Variants in ASIC2 observed in about 807,000 individuals in gnomAD.
ASIC2 encodes acid-sensing ion channel 2.
Under a neutral mutation model 57.3 loss-of-function variants are expected in ASIC2, and 25 were observed. The observed-to-expected ratio is 0.44, with a 90% CI of 0.32 to 0.61. The LOEUF is 0.61. Among genes scored for constraint, ASIC2 ranks in the 20% least tolerant of loss-of-function variants. The pLI is 0.06. For synonymous variants in ASIC2, 319 were observed against 307.5 expected (o/e 1.04, Z -0.39); for missense variants, 641 against 738.1 (o/e 0.87, Z 1.52).
At chr17:33,632,960 C>T (rs1906222316) in intron 1 of ASIC2, among the ~76,000 whole-genome samples, 1 of 152,182 alleles carries the variant, frequency 6.6e-6, no homozygotes, top group Admixed American at 6.5e-5. Flanking sequence ...GCAGAAAGCC[C>T]TGGATTACAG....
At chr17:33,081,260 T>C (rs1402082639) in intron 3 of ASIC2, among the ~76,000 whole-genome samples, 1 of 152,230 alleles carries the variant, frequency 6.6e-6, no homozygotes, top group Non-Finnish European at 1.5e-5. Context: ...GGTGAAAACT[T>C]GACTCTTGGC....
chr17:33,099,909 A>G (rs1392624855), intron 2 of ASIC2: 2 of 152,234 alleles, frequency 1.3e-5, no homozygotes, highest in African/African-American at 4.8e-5. Flanking sequence ...CTGGATTCAT[A>G]GCAATTTTTT....
chr17:33,518,655 C>T (rs1400930447), intron 1 of ASIC2, among the ~76,000 whole-genome samples: 3 of 152,168 alleles, frequency 2.0e-5, no homozygotes, highest in Non-Finnish European at 4.4e-5. Context: ...CAAATTACAC[C>T]TTACAACAAA....
chr17:33,763,390 C>G (rs991576213), intron 1 of ASIC2, among the ~76,000 whole-genome samples: 4 of 152,242 alleles, frequency 2.6e-5, no homozygotes, highest in African/African-American at 9.6e-5. Context: ...GCTCCCATCT[C>G]TAGCCCTGAC....
chr17:33,807,976 T>C (rs1912315891), intron 1 of ASIC2, among the ~76,000 whole-genome samples: 1 of 152,266 alleles, frequency 6.6e-6, no homozygotes, highest in African/African-American at 2.4e-5. Context: ...TTTCTCCCAG[T>C]ATGTGGCTTC....
At chr17:33,954,476 A>G (rs1904673810) in intron 1 of ASIC2, among the ~76,000 whole-genome samples, 1 of 152,216 alleles carries the variant, frequency 6.6e-6, no homozygotes, top group Non-Finnish European at 1.5e-5. Flanking sequence ...GGCTTATTAC[A>G]TTGAAGCAGC....
chr17:33,255,684 C>T (rs1057490471), intron 1 of ASIC2, among the ~76,000 whole-genome samples: 10 of 151,976 alleles, frequency 6.6e-5, no homozygotes. Flanking sequence ...TAAGCATGTG[C>T]CACTATGGTA....
At chr17:33,937,486 T>C (rs1916093003) in intron 1 of ASIC2, among the ~76,000 whole-genome samples, 1 of 152,066 alleles carries the variant, frequency 6.6e-6, no homozygotes, top group South Asian at 2.1e-4. Flanking sequence ...CTGGAGCATA[T>C]TGGAGAAAAG....
intron 1 of ASIC2, among the ~76,000 whole-genome samples, chr17:34,097,013 A>G (rs1910572435): frequency 6.6e-6 from 1 of 152,116 alleles, no homozygotes; most frequent in Admixed American, 6.6e-5. Flanking sequence ...TTTACTTAGA[A>G]GCTCATACAA....
At chr17:33,899,042 T>C (rs902360738) in intron 1 of ASIC2, among the ~76,000 whole-genome samples, 1 of 151,472 alleles carries the variant, frequency 6.6e-6, no homozygotes, top group South Asian at 2.1e-4. Flanking sequence ...AACAAAAATC[T>C]GAGTTAAAGC....
At chr17:33,846,286 C>T (rs1172442457) in intron 1 of ASIC2, among the ~76,000 whole-genome samples, 1 of 152,162 alleles carries the variant, frequency 6.6e-6, no homozygotes, top group Non-Finnish European at 1.5e-5. Flanking sequence ...CAGTAAACAA[C>T]AGCCAAGGGT....
chr17:33,449,145 C>G (rs1028874623), intron 1 of ASIC2, among the ~76,000 whole-genome samples: 12 of 152,082 alleles, frequency 7.9e-5, no homozygotes, highest in African/African-American at 2.4e-4. Context: ...TGCCACAGAC[C>G]CTTTGAGGTT....
intron 1 of ASIC2, among the ~76,000 whole-genome samples, chr17:33,786,825 C>T (rs1197846229): frequency 6.6e-6 from 1 of 152,000 alleles, no homozygotes; most frequent in East Asian, 1.9e-4. Context: ...AGCTGAAAAT[C>T]GAAGAAAAAT....
chr17:33,121,313 C>T (rs2141997019), intron 1 of ASIC2, among the ~76,000 whole-genome samples: 1 of 152,352 alleles, frequency 6.6e-6, no homozygotes, highest in Admixed American at 6.5e-5. Flanking sequence ...GGGATACAGA[C>T]ATGAGCCACC....
chr17:33,125,684 C>T lies in ASIC2; in HGVS notation c.709-13617G>A, dbSNP rs778138117. Among the ~76,000 whole-genome samples, 153 of 152,332 alleles carry T rather than the reference C, an allele frequency of 1.0e-3. 1 individual carries two copies. The highest frequency in any genetic ancestry group is 1.9e-3 in the Non-Finnish European group (129 of 68,036). On this transcript the variant is annotated intron_variant, in intron 1 of 9. Coordinates refer to ENST00000225823, the MANE Select transcript of ASIC2 (RefSeq NM_183377.2). Reference sequence around the variant, plus strand: ...GGAGATAAAGCAGCTGTAATATCATCATGGATTCATGCACATTAACTTACA... The same window carrying T: ...GGAGATAAAGCAGCTGTAATATCATTATGGATTCATGCACATTAACTTACA...
chr17:33,908,851 T>C (rs909206280), intron 1 of ASIC2, among the ~76,000 whole-genome samples: 2 of 152,202 alleles, frequency 1.3e-5, no homozygotes, highest in Non-Finnish European at 2.9e-5. Flanking sequence ...AAACCTCTAG[T>C]AGGTCTTCAA....
intron 1 of ASIC2, among the ~76,000 whole-genome samples, chr17:33,678,688 G>T (rs1437194380): frequency 6.6e-6 from 1 of 152,166 alleles, no homozygotes; most frequent in Admixed American, 6.5e-5. Context: ...GTTCCCTGAG[G>T]TTCGGTGAGG....
intron 1 of ASIC2, among the ~76,000 whole-genome samples, chr17:33,806,409 T>C (rs1376894902): frequency 6.6e-6 from 1 of 152,252 alleles, no homozygotes; most frequent in Non-Finnish European, 1.5e-5. Flanking sequence ...CATTATTAAC[T>C]AACAAGCCAT....
intron 1 of ASIC2, among the ~76,000 whole-genome samples, chr17:33,360,026 T>C (rs998129159): frequency 2.6e-5 from 4 of 152,198 alleles, no homozygotes; most frequent in Non-Finnish European, 5.9e-5. Context: ...TCCTACCCAA[T>C]ACACCCCCTA....
Sources: gnomAD v4.1 joint callset for allele counts (sites outside exome capture counted in the v4.1 genomes callset) on GRCh38, gnomAD v4.1.1 for gene constraint, MANE v1.5 for transcripts, NCBI Gene and HGNC (gene_info 2026-07-23, HGNC 2026-07-21) for gene names.